The following GPATCH2 variants were observed in gnomAD, a reference collection of about 807,000 sequenced individuals.
GPATCH2 encodes the protein G-patch domain containing 2, also known as G patch domain-containing protein 2.
GPATCH2 carries 51 observed loss-of-function variants against 58.0 expected under a neutral mutation model. The observed-to-expected ratio is 0.88, with a 90% confidence interval of 0.70 to 1.11. The LOEUF is 1.11. Ranked by LOEUF, GPATCH2 falls within the 50% of genes most tolerant of loss-of-function variation. The probability of loss-of-function intolerance (pLI) is 0.00; values close to 1 mark genes in which losing one functional copy is unlikely to be tolerated. For synonymous variants in GPATCH2, 222 were observed against 218.5 expected, an observed-to-expected ratio of 1.02 and a Z score of -0.14; for missense variants, 625 against 652.2, an observed-to-expected ratio of 0.96 and a Z score of 0.45.
intron 6 of GPATCH2, among the ~76,000 whole-genome samples, chr1:217,503,823 A>T (rs1016937279): frequency 2.6e-5 from 4 of 152,180 alleles, no homozygotes; most frequent in Non-Finnish European, 4.4e-5. Context: ...AAGTGCCAGC[A>T]TGTACTATTC....
At chr1:217,542,012 C>T (rs1664769390) in intron 5 of GPATCH2, among the ~76,000 whole-genome samples, 1 of 152,186 alleles carries the variant, frequency 6.6e-6, no homozygotes, top group Non-Finnish European at 1.5e-5. Context: ...TTTGGTCCAA[C>T]TAAGTCACTC....
At chr1:217,607,678 G>A (rs1668425766) in intron 5 of GPATCH2, among the ~76,000 whole-genome samples, 1 of 152,102 alleles carries the variant, frequency 6.6e-6, no homozygotes, top group African/African-American at 2.4e-5. Context: ...TTTCCCTTAG[G>A]AGCCATGATT....
At chr1:217,533,772 G>A (rs751063517) in intron 5 of GPATCH2, among the ~76,000 whole-genome samples, 1 of 152,178 alleles carries the variant, frequency 6.6e-6, no homozygotes, top group Non-Finnish European at 1.5e-5. Context: ...AATCCTGGGT[G>A]CACAGGTTTT....
intron 5 of GPATCH2, among the ~76,000 whole-genome samples, chr1:217,571,703 C>CAAAAAAAAAAAAAAAAAAAAAAAAAAAAA (rs11463536): frequency 2.7e-5 from 2 of 73,814 alleles, no homozygotes; most frequent in Non-Finnish European, 5.0e-5. Flanking sequence ...AAAACGAAAC[C>CAAAAAAAAAAAAAAAAAAAAAAAAAAAAA]AAAAAAAAAA....
chr1:217,520,095 GA>G (rs1663377728), intron 5 of GPATCH2, among the ~76,000 whole-genome samples: 1 of 152,022 alleles, frequency 6.6e-6, no homozygotes, highest in African/African-American at 2.4e-5. Flanking sequence ...GGCAGGCCTG[GA>G]AAAATCCTCA....
chr1:217,472,281 C>T (rs1660757395), intron 8 of GPATCH2, among the ~76,000 whole-genome samples: 1 of 147,786 alleles, frequency 6.8e-6, no homozygotes, highest in Non-Finnish European at 1.5e-5. Flanking sequence ...TCGCTTAGTG[C>T]ATGTTTTCAA....
intron 8 of GPATCH2, among the ~76,000 whole-genome samples, chr1:217,456,150 G>C (rs763977330): frequency 2.0e-5 from 3 of 152,132 alleles, no homozygotes; most frequent in Non-Finnish European, 4.4e-5. Context: ...TGGGTACCAA[G>C]AGGGCACTGA....
intron 8 of GPATCH2, among the ~76,000 whole-genome samples, chr1:217,488,011 A>G (rs917636676): frequency 5.3e-5 from 8 of 152,132 alleles, no homozygotes; most frequent in Middle Eastern, 3.2e-3. Flanking sequence ...AAGTGTTGGG[A>G]TTACAGGCGT....
intron 8 of GPATCH2, among the ~76,000 whole-genome samples, chr1:217,488,020 G>A (rs772744321): frequency 6.6e-5 from 10 of 151,484 alleles, no homozygotes; most frequent in Non-Finnish European, 1.2e-4. Context: ...GATTACAGGC[G>A]TGAGCCACCG....
chr1:217,574,094 A>G (rs1400623078), intron 5 of GPATCH2, among the ~76,000 whole-genome samples: 2 of 152,234 alleles, frequency 1.3e-5, no homozygotes, highest in African/African-American at 4.8e-5. Flanking sequence ...ATTAAGATAA[A>G]TAACGATTAT....
chr1:217,466,825 G>GGA lies in GPATCH2; in HGVS notation c.1278-17490_1278-17489dup, dbSNP rs140092587. 3.9e-5 allele frequency among the ~76,000 whole-genome samples: 6 copies of GGA among 151,910 alleles called. No homozygotes were observed. The South Asian group carries it at 1.0e-3, about 26-fold the overall frequency. The stretch of plus-strand genomic sequence containing the variant: ...AAGAAAGGTAAAGGTAGTAAGAGAA[G>GGA]GAGAGAGAGAGAGATGTTTGCTTCT... On this transcript the variant is annotated intron_variant, in intron 8 of 9. Coordinates refer to ENST00000366935, the MANE Select transcript of GPATCH2 (RefSeq NM_018040.5).
intron 8 of GPATCH2, among the ~76,000 whole-genome samples, chr1:217,454,419 T>C (rs1015309831): frequency 2.6e-5 from 4 of 151,484 alleles, no homozygotes; most frequent in African/African-American, 7.3e-5. Context: ...GAAACCCCGT[T>C]TCTACTAAAA....
chr1:217,558,112 G>GT (rs1665733295), intron 5 of GPATCH2, among the ~76,000 whole-genome samples: 1 of 152,012 alleles, frequency 6.6e-6, no homozygotes, highest in Non-Finnish European at 1.5e-5. Flanking sequence ...AAAACCACAT[G>GT]TTTTGAAATC....
At chr1:217,600,701 A>C (rs1668066633) in intron 5 of GPATCH2, among the ~76,000 whole-genome samples, 1 of 152,098 alleles carries the variant, frequency 6.6e-6, no homozygotes, top group African/African-American at 2.4e-5. Context: ...GGACTATGGC[A>C]ATGTCATCAC....
At chr1:217,592,769 T>G (rs941478589) in intron 5 of GPATCH2, among the ~76,000 whole-genome samples, 1 of 151,920 alleles carries the variant, frequency 6.6e-6, no homozygotes, top group African/African-American at 2.4e-5. Context: ...GACATAGAGA[T>G]AGAATATAGC....
At chr1:217,463,688 A>G (rs1013915712) in intron 8 of GPATCH2, among the ~76,000 whole-genome samples, 1 of 141,538 alleles carries the variant, frequency 7.1e-6, no homozygotes, top group Non-Finnish European at 1.5e-5. Flanking sequence ...AGGCATAGTG[A>G]TGTGTACCTT....
Position 217,539,544 on chromosome 1 carries a change from T to C in GPATCH2, c.1099-24655A>G, listed in dbSNP as rs578045685. ...TGGTCTCAGCACTCCCAATCAGTGC[T>C]GCACAATCCCCTCAGTAGCAGACCT... On this transcript the variant is annotated intron_variant, in intron 5 of 9. Transcript: ENST00000366935. 2.4e-4 allele frequency among the ~76,000 whole-genome samples: 37 copies of C among 152,362 alleles called. No individual in the cohort carries two copies. In the South Asian group the frequency reaches 7.5e-3, roughly 31 times the overall value.
intron 6 of GPATCH2, among the ~76,000 whole-genome samples, chr1:217,499,122 A>T (rs992504296): frequency 1.5e-4 from 23 of 152,122 alleles, no homozygotes; most frequent in Non-Finnish European, 1.6e-4. Context: ...TATTCTGCAT[A>T]AAAAAACTAA....
chr1:217,540,242 G>C (rs368773369), intron 5 of GPATCH2, among the ~76,000 whole-genome samples: 84 of 152,106 alleles, frequency 5.5e-4, no homozygotes, highest in African/African-American at 2.0e-3. Flanking sequence ...GGGAGGGAGG[G>C]AGAAAAACCA....
Sources: allele counts gnomAD v4.1 joint callset (sites outside exome capture counted in the v4.1 genomes callset), GRCh38; gene constraint gnomAD v4.1.1; transcripts MANE v1.5; gene names NCBI Gene and HGNC (gene_info 2026-07-23, HGNC 2026-07-21).